TXNDC8: variants seen among roughly 807,000 people sequenced by gnomAD.
TXNDC8 encodes the protein thioredoxin domain containing 8.
TXNDC8 carries 15 observed loss-of-function variants against 12.9 expected under a neutral mutation model. The ratio of observed to expected loss-of-function variants is 1.16; its 90% CI spans 0.78 to 1.79. The LOEUF (loss-of-function observed/expected upper bound fraction) is 1.79, where lower values mean the gene tolerates loss of function less well. Among genes scored for constraint, TXNDC8 ranks in the 40% most tolerant of loss-of-function variants. The pLI, the probability that TXNDC8 is intolerant of heterozygous loss-of-function variation, is 0.00. For synonymous variants in TXNDC8, 40 were observed against 35.4 expected (o/e 1.13, Z -0.46); for missense variants, 128 against 113.2 (o/e 1.13, Z -0.59).
At chr9:110,333,365 G>T (rs1304153142) in intron 2 of TXNDC8, among the ~76,000 whole-genome samples, 1 of 152,124 alleles carries the variant, frequency 6.6e-6, no homozygotes, top group Non-Finnish European at 1.5e-5. Context: ...CTTAATACCT[G>T]ATGATCTGAG....
intron 3 of TXNDC8, among the ~76,000 whole-genome samples, chr9:110,309,710 C>T (rs1412402387): frequency 6.6e-6 from 1 of 152,196 alleles, no homozygotes; most frequent in Non-Finnish European, 1.5e-5. Flanking sequence ...TGAGCCCTCT[C>T]AGAGATAATA....
At chr9:110,309,629 C>G (rs1004287446) in intron 3 of TXNDC8, among the ~76,000 whole-genome samples, 1 of 152,154 alleles carries the variant, frequency 6.6e-6, no homozygotes, top group Non-Finnish European at 1.5e-5. Context: ...AGCCACTGCT[C>G]CTGGCCTAAA....
rs369474477 is a variant in TXNDC8, at chr9:110,311,623, G to GAT, written c.196-7093_196-7092dup. On this transcript the variant is annotated intron_variant, in intron 3 of 4. Transcript: ENST00000423740. ...CCATATATATATGGATATAGTAATA[G>GAT]ATATATATATCTCCATACTATATAT... 2.1e-3 allele frequency among the ~76,000 whole-genome samples: 143 copies of GAT among 69,472 alleles called. 2 individuals are homozygous for GAT. Among genetic ancestry groups the GAT allele is most frequent in the African/African-American group, 6.5e-3 (132 of 20,266 alleles). 45.6% of individuals were successfully genotyped at this position (69,472 alleles called of 152,430 possible).
At chr9:110,305,167 A>G (rs1263195355) in intron 3 of TXNDC8, among the ~76,000 whole-genome samples, 1 of 151,746 alleles carries the variant, frequency 6.6e-6, no homozygotes, top group Non-Finnish European at 1.5e-5. Context: ...AAAAAAAAAA[A>G]AAAGGAATAT....
downstream of TXNDC8, among the ~76,000 whole-genome samples, chr9:110,302,075 C>T (rs1263291587): frequency 2.0e-5 from 3 of 152,044 alleles, no homozygotes; most frequent in African/African-American, 4.8e-5. Context: ...CTGCAACCTC[C>T]ACCTTCCAGG....
chr9:110,329,737 G>C (rs912237358), intron 2 of TXNDC8, among the ~76,000 whole-genome samples: 21 of 152,124 alleles, frequency 1.4e-4, no homozygotes, highest in African/African-American at 4.8e-4. Context: ...TGGTGCTACT[G>C]GTGCTAGAAG....
chr9:110,320,664 G>A (rs564342584), intron 3 of TXNDC8, among the ~76,000 whole-genome samples: 5 of 152,256 alleles, frequency 3.3e-5, no homozygotes, highest in Non-Finnish European at 5.9e-5. Flanking sequence ...TCTTTTGTCC[G>A]GATGGAGACG....
In TXNDC8 at chr9:110,334,206, T is replaced by C; in HGVS notation, c.129+10A>G. 2 of 1,599,672 alleles carry C rather than the reference T, an allele frequency of 1.3e-6. No individual in the cohort carries two copies. Among genetic ancestry groups the C allele is most frequent in the Non-Finnish European group, 1.7e-6 (2 of 1,167,522 alleles). On this transcript the variant is annotated intron_variant, in intron 2 of 4. Coordinates refer to ENST00000423740, the MANE Select transcript of TXNDC8 (RefSeq NM_001286946.2). ...TCTGAAACTATGAGATATATACTGG[T>C]TGTACTCACATGGAAAACAGGAAAC... is the stretch of plus-strand genomic sequence containing the variant.
chr9:110,322,387 A>G (rs1252366272), intron 3 of TXNDC8: 1 of 985,296 alleles, frequency 1.0e-6, no homozygotes, highest in Non-Finnish European at 1.2e-6. Context: ...GAAAATTCAG[A>G]TTTGAGATCT....
At chr9:110,310,458 T>C (rs73526764) in intron 3 of TXNDC8, among the ~76,000 whole-genome samples, 3 of 152,184 alleles carry the variant, frequency 2.0e-5, no homozygotes, top group South Asian at 4.1e-4. Context: ...AAGTATAAGA[T>C]AGGAAAAAAT....
At chr9:110,336,013 T>C (rs1197806945) in intron 1 of TXNDC8, among the ~76,000 whole-genome samples, 1 of 152,172 alleles carries the variant, frequency 6.6e-6, no homozygotes, top group African/African-American at 2.4e-5. Context: ...CTCATGACAG[T>C]GAGTCAGTCT....
At chr9:110,310,328 C>T (rs1406729144) in intron 3 of TXNDC8, among the ~76,000 whole-genome samples, 2 of 152,024 alleles carry the variant, frequency 1.3e-5, no homozygotes, top group African/African-American at 2.4e-5. Flanking sequence ...ATTTTCTCTC[C>T]ATACTTGATT....
At chr9:110,327,324 A>T (rs888993281) in intron 2 of TXNDC8, among the ~76,000 whole-genome samples, 14 of 120,866 alleles carry the variant, frequency 1.2e-4, no homozygotes, top group African/African-American at 3.7e-4. Context: ...TTTATACTAT[A>T]TATTTTTTTT....
chr9:110,323,630 T>C (rs2118819483), intron 3 of TXNDC8: 1 of 328,564 alleles, frequency 3.0e-6, no homozygotes, highest in Non-Finnish European at 5.2e-6. Context: ...TCAGAATTTT[T>C]TGGGTTGCAA....
chr9:110,316,914 A>T (rs1182814426), intron 3 of TXNDC8, among the ~76,000 whole-genome samples: 1 of 152,224 alleles, frequency 6.6e-6, no homozygotes, highest in Non-Finnish European at 1.5e-5. Flanking sequence ...GCTAGTGACA[A>T]TTCATAAACA....
At chr9:110,305,856 T>C (rs10980313) in intron 3 of TXNDC8, among the ~76,000 whole-genome samples, 14,158 of 123,500 alleles carry the variant, frequency 0.11, 1,468 homozygotes, top group East Asian at 0.42. Flanking sequence ...CTTTTCTTTC[T>C]TTTTCTTTTC....
chr9:110,325,178 A>T (rs1033980141), intron 3 of TXNDC8, among the ~76,000 whole-genome samples: 14 of 152,158 alleles, frequency 9.2e-5, no homozygotes, highest in African/African-American at 3.4e-4. Context: ...AATATTTTAG[A>T]CATTTTATTC....
chr9:110,314,470 T>C (rs1838805451), intron 3 of TXNDC8, among the ~76,000 whole-genome samples: 1 of 149,914 alleles, frequency 6.7e-6, no homozygotes, highest in African/African-American at 2.5e-5. Context: ...TCTCGCTCTG[T>C]CACCCAGGCT....
chr9:110,337,737 A>C lies in TXNDC8; in HGVS notation c.24+36T>G, dbSNP rs367719065. 326 of 1,608,324 alleles carry C rather than the reference A, an allele frequency of 2.0e-4. 1 individual carries two copies. Among genetic ancestry groups the C allele is most frequent in the Non-Finnish European group, 2.7e-4 (315 of 1,175,034 alleles). On this transcript the variant is annotated intron_variant, in intron 1 of 4. Coordinates refer to ENST00000423740, the MANE Select transcript of TXNDC8 (RefSeq NM_001286946.2). ...TCAAATCTGTTCCCAAGATGTCCAC[A>C]TTTGAAATACTCAGTGAAGCCAAAT...
Sources: gnomAD v4.1 joint callset for allele counts (sites outside exome capture counted in the v4.1 genomes callset) on GRCh38, gnomAD v4.1.1 for gene constraint, MANE v1.5 for transcripts, NCBI Gene and HGNC (gene_info 2026-07-23, HGNC 2026-07-21) for gene names.